The following TRA2A variants were observed in gnomAD, a reference collection of about 807,000 sequenced individuals.
The protein encoded by TRA2A is transformer 2 alpha homolog.
In TRA2A, 31 loss-of-function variants were observed where a neutral mutation model predicts 45.7. That is an observed-to-expected ratio of 0.68 (90% CI 0.51 to 0.92). TRA2A has a LOEUF of 0.92. Among genes scored for constraint, TRA2A ranks in the 40% least tolerant of loss-of-function variants. The probability of loss-of-function intolerance (pLI) is 0.00; values close to 1 mark genes in which losing one functional copy is unlikely to be tolerated. For synonymous variants in TRA2A, 132 were observed against 126.2 expected (o/e 1.05, Z -0.31); for missense variants, 304 against 367.5 (o/e 0.83, Z 1.41).
intron 2 of TRA2A, among the ~76,000 whole-genome samples, chr7:23,520,426 T>C (rs561168311): frequency 8.5e-5 from 13 of 152,374 alleles, no homozygotes; most frequent in African/African-American, 2.9e-4. Context: ...TGCTCCTTTC[T>C]ATTTCTAAGC....
intron 4 of TRA2A, among the ~76,000 whole-genome samples, chr7:23,508,532 T>C (rs1355795137): frequency 2.6e-5 from 4 of 152,234 alleles, no homozygotes; most frequent in Non-Finnish European, 5.9e-5. Flanking sequence ...TTCGCTCTTG[T>C]TGCACAGGCT....
At position 23,516,447 on chromosome 7, in the gene TRA2A, A is replaced by G; in HGVS notation, c.252T>C (p.Ser84=). The part of the protein sequence containing the change: ...HSHSHRRRSR[S]RSYTPEYRRR... The stretch of plus-strand genomic sequence containing the variant: ...GCCGGTATTCTGGTGTATATGATCT[A>G]CTTCGAGATCGTCTCCTATGAGAGT... Residue 84 remains serine (S), a synonymous_variant, in exon 3 of 8, where the codon AGT becomes AGC. Transcript: ENST00000297071. The G allele has an allele frequency of 6.2e-7, 1 of 1,614,154 alleles. No homozygotes were observed. Among genetic ancestry groups the G allele is most frequent in the Non-Finnish European group, 8.5e-7 (1 of 1,179,978 alleles).
chr7:23,525,734 G>A lies in TRA2A; in HGVS notation c.37-3894C>T, dbSNP rs529174985. On this transcript the variant is annotated intron_variant, in intron 1 of 7. Transcript: ENST00000297071. ...AGCTTCCTGGGTAGCTGGGATTACAGGCACCCGCCATCGCACCTGGCTAAC... is the reference window on the plus strand; with the variant it reads ...AGCTTCCTGGGTAGCTGGGATTACAAGCACCCGCCATCGCACCTGGCTAAC... 9.2e-5 allele frequency among the ~76,000 whole-genome samples: 14 copies of A among 152,264 alleles called. No homozygotes were observed. In the South Asian group the frequency reaches 2.1e-3, roughly 23 times the overall value.
chr7:23,515,468 C>T (rs573199103), intron 3 of TRA2A, among the ~76,000 whole-genome samples: 4 of 152,092 alleles, frequency 2.6e-5, no homozygotes, highest in African/African-American at 9.6e-5. Flanking sequence ...CCGCCCACCT[C>T]GGCCTCCCAA....
At chr7:23,524,912 C>T (rs768053679) in intron 1 of TRA2A, among the ~76,000 whole-genome samples, 1 of 151,366 alleles carries the variant, frequency 6.6e-6, no homozygotes, top group Non-Finnish European at 1.5e-5. Flanking sequence ...GGCTGGTCTC[C>T]ATCTCCTGAC....
intron 4 of TRA2A, among the ~76,000 whole-genome samples, chr7:23,509,622 G>T (rs1368995083): frequency 6.6e-6 from 1 of 152,024 alleles, no homozygotes; most frequent in Non-Finnish European, 1.5e-5. Context: ...TATAGTCCTA[G>T]CTACTCGGGA....
At chr7:23,511,012 T>TA (rs1681373648) in intron 4 of TRA2A, among the ~76,000 whole-genome samples, 1 of 152,080 alleles carries the variant, frequency 6.6e-6, no homozygotes, top group Non-Finnish European at 1.5e-5. Flanking sequence ...TTGTGTACTG[T>TA]ATGGTTATTT....
At chr7:23,521,605 T>C (rs1790139867) in intron 2 of TRA2A, 102 bp downstream of exon 2, 1 of 1,347,266 alleles carries the variant, frequency 7.4e-7, no homozygotes, top group African/African-American at 1.5e-5. Context: ...AAACTATAAT[T>C]TTGAGTCTTT....
intron 2 of TRA2A, among the ~76,000 whole-genome samples, chr7:23,517,780 C>T (rs1442507007): frequency 2.0e-5 from 3 of 151,308 alleles, no homozygotes; most frequent in Non-Finnish European, 4.4e-5. Flanking sequence ...GGCGTGGTGG[C>T]GCACACCTGT....
At chr7:23,516,912 A>G (rs1268393065) in intron 2 of TRA2A, among the ~76,000 whole-genome samples, 1 of 151,828 alleles carries the variant, frequency 6.6e-6, no homozygotes, top group African/African-American at 2.4e-5. Context: ...GATCAAGACC[A>G]TCCTGGCCAA....
chr7:23,527,768 G>A (rs1054285191), intron 1 of TRA2A, among the ~76,000 whole-genome samples: 1 of 152,118 alleles, frequency 6.6e-6, no homozygotes, highest in African/African-American at 2.4e-5. Context: ...AAGCCTCTAT[G>A]ACAGATCTGT....
chr7:23,511,431 A>AAAAC (rs1562789227), intron 4 of TRA2A, among the ~76,000 whole-genome samples: 9 of 146,014 alleles, frequency 6.2e-5, no homozygotes, highest in Non-Finnish European at 1.2e-4. Context: ...GAAAAGAAAA[A>AAAAC]CACCCTGATT....
intron 2 of TRA2A, 42 bp downstream of exon 2, chr7:23,521,665 A>G (rs963435787): frequency 8.8e-6 from 14 of 1,597,484 alleles, no homozygotes; most frequent in Non-Finnish European, 1.2e-5. Flanking sequence ...GTCCTCAAAA[A>G]CCCCAGAAGA....
At chr7:23,517,477 C>CAAAAAAAAAAAAAAAAAAAAA (rs70954385) in intron 2 of TRA2A, among the ~76,000 whole-genome samples, 4 of 13,934 alleles carry the variant, frequency 2.9e-4, no homozygotes, top group African/African-American at 3.4e-4. Context: ...GACTACGTCT[C>CAAAAAAAAAAAAAAAAAAAAA]AAAAAAAAAA....
intron 1 of TRA2A, among the ~76,000 whole-genome samples, chr7:23,529,690 G>C (rs976674005): frequency 6.6e-6 from 1 of 152,086 alleles, no homozygotes; most frequent in South Asian, 2.1e-4. Flanking sequence ...AGATACAACA[G>C]GTGAGCCTAC....
chr7:23,508,340 T>TCACTGTGG (rs1356144087), intron 4 of TRA2A, among the ~76,000 whole-genome samples: 3 of 149,406 alleles, frequency 2.0e-5, no homozygotes, highest in Non-Finnish European at 3.0e-5. Flanking sequence ...GGATCATAGT[T>TCACTGTGG]CACTGTGGCC....
chr7:23,507,382 G>A (rs779555049), intron 5 of TRA2A, 38 bp downstream of exon 5: 7 of 1,528,778 alleles, frequency 4.6e-6, no homozygotes, highest in Non-Finnish European at 6.3e-6. Flanking sequence ...TATTTCTGGT[G>A]GATTTCATAG....
chr7:23,510,769 C>A (rs958069958), intron 4 of TRA2A, among the ~76,000 whole-genome samples: 2 of 152,024 alleles, frequency 1.3e-5, no homozygotes, highest in African/African-American at 4.8e-5. Context: ...GCTCAGATAT[C>A]CTAGTATTTC....
chr7:23,518,945 C>T (rs1216096333), intron 2 of TRA2A, among the ~76,000 whole-genome samples: 1 of 152,168 alleles, frequency 6.6e-6, no homozygotes, highest in African/African-American at 2.4e-5. Context: ...TCCTTGTGCT[C>T]CCAAAGTGCT....
Sources: gnomAD v4.1 joint callset for allele counts (sites outside exome capture counted in the v4.1 genomes callset) on GRCh38, gnomAD v4.1.1 for gene constraint, MANE v1.5 for transcripts, NCBI Gene and HGNC (gene_info 2026-07-23, HGNC 2026-07-21) for gene names.